Variants in TESK2 observed in about 807,000 individuals in gnomAD.
TESK2 encodes the protein dual specificity testis-specific protein kinase 2.
In TESK2, 39 loss-of-function variants were observed where a neutral mutation model predicts 57.1. The ratio of observed to expected loss-of-function variants is 0.68; its 90% CI spans 0.53 to 0.89. The LOEUF (loss-of-function observed/expected upper bound fraction) is 0.89, where lower values mean the gene tolerates loss of function less well. Among genes scored for constraint, TESK2 ranks in the 40% least tolerant of loss-of-function variants. The pLI is 0.00. For missense variants in TESK2, 646 were observed against 732.1 expected (o/e 0.88, Z 1.36); for synonymous variants, 249 against 267.9 (o/e 0.93, Z 0.69).
At chr1:45,422,577 G>A (rs1006037759) in intron 2 of TESK2, among the ~76,000 whole-genome samples, 4 of 151,996 alleles carry the variant, frequency 2.6e-5, no homozygotes, top group Non-Finnish European at 4.4e-5. Flanking sequence ...CTGAGTAGCT[G>A]GGATTACAGG....
chr1:45,434,167 T>A (rs970803440), intron 2 of TESK2, among the ~76,000 whole-genome samples: 2 of 152,140 alleles, frequency 1.3e-5, no homozygotes, highest in Non-Finnish European at 1.5e-5. Flanking sequence ...TTAATTTTTG[T>A]ATTTTTGGTA....
chr1:45,377,246 T>C (rs973428510), intron 4 of TESK2, among the ~76,000 whole-genome samples: 3 of 151,230 alleles, frequency 2.0e-5, no homozygotes, highest in Non-Finnish European at 4.4e-5. Context: ...AAAGTATTTG[T>C]AGGAATTGAG....
intron 2 of TESK2, among the ~76,000 whole-genome samples, chr1:45,445,381 C>T (rs929129374): frequency 2.6e-5 from 4 of 152,128 alleles, no homozygotes; most frequent in Non-Finnish European, 5.9e-5. Flanking sequence ...TCCTGCTGTT[C>T]TCAATTTATT....
intron 2 of TESK2, among the ~76,000 whole-genome samples, chr1:45,423,353 C>A (rs1370487282): frequency 6.6e-6 from 1 of 152,040 alleles, no homozygotes; most frequent in South Asian, 2.1e-4. Flanking sequence ...GTCACAAAAT[C>A]GAGACCAGCC....
chr1:45,415,240 A>G, intron 3 of TESK2: 1 of 1,451,054 alleles, frequency 6.9e-7, no homozygotes, highest in Non-Finnish European at 9.6e-7. Context: ...GGTCTTTGGC[A>G]AGGTGAAAGA....
chr1:45,474,298 T>C (rs1025104151), intron 1 of TESK2, among the ~76,000 whole-genome samples: 1 of 151,988 alleles, frequency 6.6e-6, no homozygotes, highest in Non-Finnish European at 1.5e-5. Context: ...GATTGCACTC[T>C]AGCCTGGGTG....
At chr1:45,393,618 G>C (rs1649235954) in intron 3 of TESK2, among the ~76,000 whole-genome samples, 1 of 151,998 alleles carries the variant, frequency 6.6e-6, no homozygotes, top group Non-Finnish European at 1.5e-5. Context: ...GTGGGCGTCT[G>C]TAGTCCCAGC....
intron 2 of TESK2, among the ~76,000 whole-genome samples, chr1:45,455,127 T>C (rs1405868452): frequency 6.6e-6 from 1 of 152,204 alleles, no homozygotes; most frequent in African/African-American, 2.4e-5. Context: ...TACTGACTAT[T>C]TGCATTCCTA....
intron 5 of TESK2, among the ~76,000 whole-genome samples, chr1:45,349,014 G>A (rs765999700): frequency 3.3e-5 from 5 of 151,956 alleles, no homozygotes; most frequent in South Asian, 2.1e-4. Flanking sequence ...CACTGCTCTG[G>A]CTCAAGAGGC....
At chr1:45,370,651 G>C (rs186380668) in intron 4 of TESK2, among the ~76,000 whole-genome samples, 6 of 152,294 alleles carry the variant, frequency 3.9e-5, no homozygotes, top group Middle Eastern at 3.4e-3. Context: ...GTTGGGCCAG[G>C]GGGGATGAAG....
intron 3 of TESK2, among the ~76,000 whole-genome samples, chr1:45,388,815 G>C (rs1261609390): frequency 6.9e-6 from 1 of 144,180 alleles, no homozygotes; most frequent in Non-Finnish European, 1.5e-5. Context: ...CCGCCTCCCT[G>C]GTTCACGCCA....
chr1:45,372,622 C>T (rs1197082510), intron 4 of TESK2, among the ~76,000 whole-genome samples: 1 of 151,910 alleles, frequency 6.6e-6, no homozygotes, highest in African/African-American at 2.4e-5. Context: ...ACAGTAGCTA[C>T]TGTCCCTATT....
At chr1:45,480,493 A>C (rs1239461564) in intron 1 of TESK2, among the ~76,000 whole-genome samples, 1 of 151,592 alleles carries the variant, frequency 6.6e-6, no homozygotes, top group Non-Finnish European at 1.5e-5. Flanking sequence ...ACTTCTGTGA[A>C]TTTATCCCAC....
intron 1 of TESK2, among the ~76,000 whole-genome samples, chr1:45,482,227 A>C (rs571457391): frequency 1.1e-3 from 175 of 152,290 alleles, no homozygotes; most frequent in Admixed American, 1.6e-3. Context: ...AAAGGTCATG[A>C]CATTATACGA....
chr1:45,438,313 T>A (rs1021614054), intron 2 of TESK2, among the ~76,000 whole-genome samples: 1 of 152,036 alleles, frequency 6.6e-6, no homozygotes, highest in Non-Finnish European at 1.5e-5. Context: ...CTGGCCAACA[T>A]GGTGAAACCC....
At chr1:45,366,506 G>A (rs1647925787) in intron 4 of TESK2, among the ~76,000 whole-genome samples, 1 of 152,118 alleles carries the variant, frequency 6.6e-6, no homozygotes, top group Non-Finnish European at 1.5e-5. Context: ...GCTGAGGCAG[G>A]AGTATTGCTT....
At chr1:45,420,877 C>T (rs965610875) in intron 3 of TESK2, among the ~76,000 whole-genome samples, 39 of 152,124 alleles carry the variant, frequency 2.6e-4, no homozygotes, top group African/African-American at 8.9e-4. Flanking sequence ...CGTGAGCCAT[C>T]GCGCCCAGCC....
intron 2 of TESK2, among the ~76,000 whole-genome samples, chr1:45,423,941 A>T (rs915115699): frequency 2.0e-5 from 3 of 152,226 alleles, no homozygotes; most frequent in African/African-American, 7.2e-5. Context: ...ATTTTGTGTG[A>T]TTCAAAGAAG....
chr1:45,408,957 T>C (rs1215125938), intron 3 of TESK2, among the ~76,000 whole-genome samples: 1 of 152,232 alleles, frequency 6.6e-6, no homozygotes, highest in Non-Finnish European at 1.5e-5. Context: ...AATGGGGATG[T>C]TGACTTTCAG....
Sources: gnomAD v4.1 joint callset for allele counts (sites outside exome capture counted in the v4.1 genomes callset) on GRCh38, gnomAD v4.1.1 for gene constraint, MANE v1.5 for transcripts, NCBI Gene and HGNC (gene_info 2026-07-23, HGNC 2026-07-21) for gene names.